COLGALT1: variants seen among roughly 807,000 people sequenced by gnomAD.
The protein encoded by COLGALT1 is collagen beta(1-O)galactosyltransferase 1.
Under a neutral mutation model 60.8 loss-of-function variants are expected in COLGALT1, and 43 were observed. That is an observed-to-expected ratio of 0.71 (90% CI 0.55 to 0.91). COLGALT1 has a LOEUF of 0.91. COLGALT1 is among the 40% of genes least tolerant of loss of function. COLGALT1 has a pLI of 0.00. For synonymous variants in COLGALT1, 369 were observed against 374.2 expected (o/e 0.99, Z 0.16); for missense variants, 845 against 880.0 (o/e 0.96, Z 0.50).
At position 17,580,995 on chromosome 19, in the gene COLGALT1, A is replaced by G. The variant is rs2076377793; in HGVS notation, c.1601+90A>G. ...TGTGAGACTCACGGCCTCCGAGAAG[A>G]TGTCTCTTCTTTTGCCTACTTCTCC... is the stretch of plus-strand genomic sequence containing the variant. On this transcript the variant is annotated intron_variant, in intron 11 of 11. Coordinates refer to ENST00000252599, the MANE Select transcript of COLGALT1 (RefSeq NM_024656.4). 3.3e-6 allele frequency: 5 copies of G among 1,509,794 alleles called. No individual in the cohort carries two copies. The Admixed American group carries it at 7.1e-5, about 22-fold the overall frequency. 93.5% of individuals were successfully genotyped at this position (1,509,794 alleles called of 1,614,324 possible).
At chr19:17,569,891 C>CTTTTTTTTTTTTTTTTTTT (rs71162156) in intron 5 of COLGALT1, among the ~76,000 whole-genome samples, 1 of 98,740 alleles carries the variant, frequency 1.0e-5, no homozygotes, top group African/African-American at 3.9e-5. Context: ...CCACTAATTA[C>CTTTTTTTTTTTTTTTTTTT]TTTTTTTTTT....
intron 3 of COLGALT1, among the ~76,000 whole-genome samples, chr19:17,562,345 C>A (rs948262205): frequency 2.6e-5 from 4 of 152,038 alleles, no homozygotes; most frequent in Admixed American, 2.6e-4. Flanking sequence ...CAGGGGAGGT[C>A]TGTGTTCTGA....
At chr19:17,579,707 T>C in intron 10 of COLGALT1, 98 bp downstream of exon 10, 1 of 1,281,606 alleles carries the variant, frequency 7.8e-7, no homozygotes. Context: ...GACCTGGGGA[T>C]GGGTCATGGC....
Position 17,581,194 on chromosome 19 carries a change from A to G in COLGALT1, c.1619A>G (p.His540Arg). 3.1e-6 allele frequency: 5 copies of G among 1,601,878 alleles called. No individual in the cohort carries two copies. Among genetic ancestry groups the G allele is most frequent in the Non-Finnish European group, 4.2e-6 (5 of 1,176,576 alleles). The change falls in exon 12 of 12, where the codon CAC becomes CGC. Residue 540 changes from histidine (H) to arginine (R), a missense_variant. Coordinates refer to ENST00000252599, the MANE Select transcript of COLGALT1 (RefSeq NM_024656.4). ...CCCCCCAGGTCCGAGTACAAGGCCC[A>G]CTTCTCCCTCCGCAACCTGCATGCC... ...DKHPVSEYKA[H>R]FSLRNLHAFS...
Position 17,576,906 on chromosome 19 carries a change from G to T in COLGALT1, c.950-289G>T, listed in dbSNP as rs7250403. Among the ~76,000 whole-genome samples, 4 of 84,756 alleles carry T rather than the reference G, an allele frequency of 4.7e-5. No homozygotes were observed. The South Asian group carries it at 1.6e-3, about 34-fold the overall frequency. 55.6% of individuals were successfully genotyped at this position (84,756 alleles called of 152,430 possible). A position where few individuals can be genotyped will look rare whatever the true frequency, so the allele number is the denominator to read the frequency against. ...GGCGAGTCCAGGGTTGAGTAGCGGG[G>T]CCTTGGGCGCGGTGAAGCTGGGGCC... On this transcript the variant is annotated intron_variant, in intron 6 of 11. Transcript: ENST00000252599.
At position 17,580,735 on chromosome 19, in the gene COLGALT1, CG is replaced by C; in HGVS notation, c.1432del (p.Glu478ArgfsTer7). 1 of 1,614,028 alleles carries C rather than the reference CG, an allele frequency of 6.2e-7. No individual in the cohort carries two copies. The highest frequency in any genetic ancestry group is 1.1e-5 in the South Asian group (1 of 91,072). ...GGAAGCGGATGCAGGTGGAGCACCC[CG>C]AGAAGGCTGTGCCTCGCGTGAGGAA... ...GRKRMQVEHPEKAVPRVRNLV... is the reference protein window; with the variant it reads ...GRKRMQVEHPXKAVPRVRNLV... On this transcript the variant is annotated frameshift_variant, in exon 11 of 12. Coordinates refer to ENST00000252599, the MANE Select transcript of COLGALT1 (RefSeq NM_024656.4). LOFTEE classifies it high-confidence loss of function.
At chr19:17,572,909 G>A (rs146813054) in intron 6 of COLGALT1, among the ~76,000 whole-genome samples, 83 of 152,294 alleles carry the variant, frequency 5.4e-4, no homozygotes, top group African/African-American at 1.8e-3. Flanking sequence ...TGGTAGTGTG[G>A]GCAAAGGCCG....
At chr19:17,577,582 T>G (rs1430481947) in intron 8 of COLGALT1, 115 bp downstream of exon 8, 2 of 974,938 alleles carry the variant, frequency 2.1e-6, no homozygotes, top group Non-Finnish European at 2.9e-6. Context: ...CAAACAGATG[T>G]AGACCTCGTC....
At chr19:17,576,509 G>T (rs947421850) in intron 6 of COLGALT1, among the ~76,000 whole-genome samples, 2 of 151,884 alleles carry the variant, frequency 1.3e-5, no homozygotes, top group African/African-American at 4.8e-5. Flanking sequence ...GCGTGGCCAG[G>T]GCTTAGAGGC....
Position 17,581,425 on chromosome 19 carries a change from C to G in COLGALT1, c.1850C>G (p.Ala617Gly). The stretch of plus-strand genomic sequence containing the variant: ...GTGCTCCAGTCCCCACTGGACAGTG[C>G]TGCCCGGGATGAACTCTGAGGGGTA... ...SDVLQSPLDS[A>G]ARDEL Residue 617 changes from alanine to glycine, a missense_variant, in exon 12 of 12, where the codon GCT becomes GGT. Ala to Gly is a moderately conservative substitution (Grantham distance 60). Coordinates refer to ENST00000252599, the MANE Select transcript of COLGALT1 (RefSeq NM_024656.4). 6.2e-7 allele frequency: 1 copy of G among 1,609,436 alleles called. No individual in the cohort carries two copies. The highest frequency in any genetic ancestry group is 2.2e-5 in the East Asian group (1 of 44,884).
chr19:17,556,064 C>A, intron 1 of COLGALT1, 91 bp downstream of exon 1: 1 of 1,225,856 alleles, frequency 8.2e-7, no homozygotes, highest in Non-Finnish European at 1.0e-6. Flanking sequence ...CCCCTGCCCG[C>A]TGTCCTCTTC....
At chr19:17,571,781 GTAACT>G (rs1346207231) in intron 5 of COLGALT1, 2 of 151,962 alleles carry the variant, frequency 1.3e-5, no homozygotes, top group African/African-American at 4.8e-5. Flanking sequence ...GTAGAAGGAA[GTAACT>G]TAACTCACAT....
intron 10 of COLGALT1, chr19:17,580,147 T>C (rs905719626): frequency 2.7e-5 from 5 of 188,178 alleles, no homozygotes; most frequent in Non-Finnish European, 5.6e-5. Flanking sequence ...GGCCGAAGAG[T>C]GTGGGGGCGT....
Position 17,555,723 on chromosome 19 carries a change from G to A in COLGALT1, c.10G>A (p.Ala4Thr), listed in dbSNP as rs1330740104. Residue 4 changes from alanine to threonine, a missense_variant, in exon 1 of 12, where the codon GCC becomes ACC. Ala to Thr is a moderately conservative substitution (Grantham distance 58). Transcript: ENST00000252599. MAAAPRAGRRRGQP... is the reference protein window; with the variant it reads MAATPRAGRRRGQP... The stretch of plus-strand genomic sequence containing the variant: ...GGAGACGCGTGGCGCGATGGCGGCG[G>A]CCCCACGCGCGGGCCGGCGGCGCGG... The A allele has an allele frequency of 9.2e-6, 11 of 1,194,788 alleles. 1 individual carries two copies. Among genetic ancestry groups the A allele is most frequent in the African/African-American group, 1.6e-5 (1 of 62,816 alleles). The allele number at this position is 1,194,788 out of a possible 1,614,324, so 74.0% of individuals were successfully genotyped here.
At chr19:17,564,277 A>G (rs1005403035) in intron 3 of COLGALT1, among the ~76,000 whole-genome samples, 2 of 150,970 alleles carry the variant, frequency 1.3e-5, no homozygotes, top group African/African-American at 2.4e-5. Flanking sequence ...GTGTGTGTGT[A>G]TGTGTGTGCG....
At chr19:17,575,892 C>A (rs2076337816) in intron 6 of COLGALT1, among the ~76,000 whole-genome samples, 1 of 152,148 alleles carries the variant, frequency 6.6e-6, no homozygotes, top group African/African-American at 2.4e-5. Context: ...CTGTACACAA[C>A]CCTGTGTCCA....
At position 17,580,897 on chromosome 19, in the gene COLGALT1, A is replaced by G. The variant is rs765383580; in HGVS notation, c.1593A>G (p.Lys531=). Residue 531 remains lysine (K), a synonymous_variant, in exon 11 of 12, where the codon AAA becomes AAG. Transcript: ENST00000252599. ...AGTTCCTGCCCGTCATGTTCGACAA[A>G]CACCCAGTGTGAGAGGGGCAGGCGG... ...VDEFLPVMFD[K]HPVSEYKAHF... 4.3e-6 allele frequency: 7 copies of G among 1,613,150 alleles called. No homozygotes were observed. In the Admixed American group the frequency reaches 1.2e-4, roughly 27 times the overall value.
At position 17,581,474 on chromosome 19, in the gene COLGALT1, A is replaced by G. The variant is rs1056563988; in HGVS notation, c.*30A>G. The G allele has an allele frequency of 3.8e-6, 6 of 1,591,436 alleles. No homozygotes were observed. The highest frequency in any genetic ancestry group is 5.1e-6 in the Non-Finnish European group (6 of 1,172,658). ...TAGCAGCCAGAAAGCCAAAGCAGCCATCGGTGGCCCAGGCTCCACGTGCTT... is the reference window on the plus strand; with the variant it reads ...TAGCAGCCAGAAAGCCAAAGCAGCCGTCGGTGGCCCAGGCTCCACGTGCTT... On this transcript the variant is annotated 3_prime_UTR_variant, in exon 12 of 12. Transcript: ENST00000252599.
intron 9 of COLGALT1, among the ~76,000 whole-genome samples, chr19:17,578,880 G>T (rs2076361211): frequency 6.6e-6 from 1 of 152,064 alleles, no homozygotes; most frequent in South Asian, 2.1e-4. Context: ...GTGTGGTGGT[G>T]GGCACCTGTA....
Sources: gnomAD v4.1 joint callset for allele counts (sites outside exome capture counted in the v4.1 genomes callset) on GRCh38, gnomAD v4.1.1 for gene constraint, MANE v1.5 for transcripts, NCBI Gene and HGNC (gene_info 2026-07-23, HGNC 2026-07-21) for gene names.